Variants in PNPLA4 observed in about 807,000 individuals in gnomAD.
PNPLA4 encodes the protein patatin-like phospholipase domain-containing protein 4.
Under a neutral mutation model 18.3 loss-of-function variants are expected in PNPLA4, and 15 were observed. The observed-to-expected ratio is 0.82, with a 90% CI of 0.55 to 1.26. PNPLA4 has a LOEUF of 1.26. PNPLA4 is among the 50% of genes most tolerant of loss of function. The probability of loss-of-function intolerance (pLI) is 0.00; values close to 1 mark genes in which losing one functional copy is unlikely to be tolerated. For synonymous variants in PNPLA4, 88 were observed against 85.6 expected (o/e 1.03, Z -0.16); for missense variants, 229 against 196.8 (o/e 1.16, Z -0.98).
intron 5 of PNPLA4, among the ~76,000 whole-genome samples, chrX:7,905,429 A>G (rs1295532198): frequency 8.9e-6 from 1 of 112,011 alleles, no homozygotes; most frequent in Non-Finnish European, 1.9e-5. Context: ...TGAAAGGGCC[A>G]GTTTATTCAT....
chrX:7,909,716 G>A (rs1923815538), intron 5 of PNPLA4, among the ~76,000 whole-genome samples: 1 of 110,976 alleles, frequency 9.0e-6, no homozygotes, highest in Admixed American at 9.6e-5. Context: ...ATGAACAAGA[G>A]CTGCTGGAGC....
rs1923442739 is a variant in PNPLA4 at position 7,899,409 on chromosome X, A to G, written c.*1277T>C. On this transcript the variant is annotated 3_prime_UTR_variant, in exon 7 of 7. Transcript: ENST00000381042. Reference sequence around the variant, plus strand: ...TCAGTAAATTGGTACAAGCCCATACACAAGTCCTCAAAGTGATGGACAACT... The same window carrying G: ...TCAGTAAATTGGTACAAGCCCATACGCAAGTCCTCAAAGTGATGGACAACT... 9.0e-6 allele frequency: 1 copy of G among 110,565 alleles called. No homozygotes were observed. The highest frequency in any genetic ancestry group is 3.3e-5 in the African/African-American group (1 of 30,319). 9.1% of individuals were successfully genotyped at this position (110,565 alleles called of 1,213,427 possible). A position where few individuals can be genotyped will look rare whatever the true frequency, so the allele number is the denominator to read the frequency against.
chrX:7,904,731 A>G (rs776263807), intron 5 of PNPLA4, among the ~76,000 whole-genome samples: 1 of 112,532 alleles, frequency 8.9e-6, no homozygotes, highest in South Asian at 3.7e-4. Context: ...GGCTGTTCAC[A>G]ACATATGGCT....
Position 7,921,815 on chromosome X carries a change from A to G in PNPLA4, c.309T>C (p.Ala103=). The G allele has an allele frequency of 8.3e-7, 1 of 1,207,039 alleles. No individual in the cohort carries two copies. The highest frequency in any genetic ancestry group is 1.1e-6 in the Non-Finnish European group (1 of 891,473). ...GCAGTCGGTTCTGGGCCAGCTCGTG[A>G]GCGCTGGGAGGAAGAATCGACTCCA... is the stretch of plus-strand genomic sequence containing the variant. ...SGMESILPPS[A]HELAQNRLHV... The change falls in exon 4 of 7, where the codon GCT becomes GCC. Residue 103 remains alanine (A), a synonymous_variant. Coordinates refer to ENST00000381042, the MANE Select transcript of PNPLA4 (RefSeq NM_004650.3).
intron 5 of PNPLA4, among the ~76,000 whole-genome samples, chrX:7,909,641 T>C (rs757973036): frequency 1.8e-5 from 2 of 111,006 alleles, no homozygotes; most frequent in East Asian, 2.8e-4. Flanking sequence ...CCTCAAATCA[T>C]TTAGGACCTG....
chrX:7,902,670 C>A (rs1374134937), intron 5 of PNPLA4, among the ~76,000 whole-genome samples: 1 of 111,974 alleles, frequency 8.9e-6, no homozygotes, highest in Admixed American at 9.5e-5. Context: ...ACACATTCCT[C>A]AGTAGGCACT....
In PNPLA4 at chrX:7,898,874, G is replaced by C. The variant is rs1183678027; in HGVS notation, c.*1812C>G. The C allele has an allele frequency of 8.9e-6, 1 of 111,888 alleles. No homozygotes were observed. The highest frequency in any genetic ancestry group is 1.9e-5 in the Non-Finnish European group (1 of 53,167). 9.2% of individuals were successfully genotyped at this position (111,888 alleles called of 1,213,427 possible). ...TTATACAATGAGATTTGGTTTTGCA[G>C]CTTAAATTTCTTCAATTTAAGGGTA... is the stretch of plus-strand genomic sequence containing the variant. On this transcript the variant is annotated 3_prime_UTR_variant, in exon 7 of 7. Coordinates refer to ENST00000381042, the MANE Select transcript of PNPLA4 (RefSeq NM_004650.3).
At chrX:7,926,365 CCACA>C (rs1924406729) in intron 1 of PNPLA4, among the ~76,000 whole-genome samples, 1 of 112,305 alleles carries the variant, frequency 8.9e-6, no homozygotes, top group African/African-American at 3.2e-5. Context: ...CAAAAACATT[CCACA>C]TTTATTCGGT....
chrX:7,901,935 G>C (rs957592221), intron 6 of PNPLA4, 54 bp downstream of exon 6: 1 of 1,127,584 alleles, frequency 8.9e-7, no homozygotes, highest in Non-Finnish European at 1.2e-6. Context: ...TGAATTCTGT[G>C]GGAATTTTTA....
At chrX:7,911,257 C>A (rs1160324483) in intron 5 of PNPLA4, among the ~76,000 whole-genome samples, 1 of 111,623 alleles carries the variant, frequency 9.0e-6, no homozygotes, top group Non-Finnish European at 1.9e-5. Context: ...CACATTAAAC[C>A]AAATACTATA....
chrX:7,922,230 C>T, intron 2 of PNPLA4, 132 bp from the exon 3 acceptor site: 1 of 501,899 alleles, frequency 2.0e-6, no homozygotes, highest in Non-Finnish European at 3.5e-6. Context: ...GCAAATTCCC[C>T]ACCTGGCCGG....
At chrX:7,918,806 A>G (rs1320668300) in intron 4 of PNPLA4, among the ~76,000 whole-genome samples, 3 of 111,414 alleles carry the variant, frequency 2.7e-5, no homozygotes, top group Admixed American at 9.5e-5. Context: ...TCATGTCCCT[A>G]CCTGGCAGGG....
intron 2 of PNPLA4, 30 bp downstream of exon 2, chrX:7,925,910 G>A (rs771045161): frequency 5.5e-5 from 65 of 1,171,395 alleles, no homozygotes; most frequent in Non-Finnish European, 7.2e-5. Context: ...TTCTTGATGA[G>A]GAACACAGCC....
At chrX:7,917,591 G>A (rs1384308781) in intron 4 of PNPLA4, among the ~76,000 whole-genome samples, 1 of 111,733 alleles carries the variant, frequency 8.9e-6, no homozygotes, top group African/African-American at 3.3e-5. Context: ...CATGCATAAA[G>A]GGCTTTATCA....
intron 5 of PNPLA4, among the ~76,000 whole-genome samples, chrX:7,907,024 CT>C (rs1169361980): frequency 1.5e-4 from 16 of 107,164 alleles, no homozygotes; most frequent in African/African-American, 5.1e-4. Context: ...CTTTTCTTTT[CT>C]TTTTTTTTTC....
intron 5 of PNPLA4, among the ~76,000 whole-genome samples, chrX:7,903,534 C>T (rs1358902547): frequency 1.8e-5 from 2 of 110,777 alleles, no homozygotes; most frequent in Non-Finnish European, 3.8e-5. Flanking sequence ...CTCCTGACCT[C>T]GTGATCTGCC....
chrX:7,918,993 T>C (rs1924130939), intron 4 of PNPLA4, among the ~76,000 whole-genome samples: 1 of 112,098 alleles, frequency 8.9e-6, no homozygotes, highest in Non-Finnish European at 1.9e-5. Context: ...TTCTGAAAAA[T>C]GTTAAAACAT....
At chrX:7,910,240 G>T (rs1343950009) in intron 5 of PNPLA4, among the ~76,000 whole-genome samples, 1 of 111,406 alleles carries the variant, frequency 9.0e-6, no homozygotes, top group East Asian at 2.8e-4. Flanking sequence ...AGAGAGAAAA[G>T]AAAAAATTCC....
chrX:7,927,360 G>A lies in PNPLA4; in HGVS notation c.-88C>T, dbSNP rs1246425610. On this transcript the variant is annotated 5_prime_UTR_variant, in exon 1 of 7. Transcript: ENST00000381042. ...TGGCGGGGCCGGGCCGTCACTCAAC[G>A]CCATTCCGCCACCAAGGCCGCGCTA... 1.8e-5 allele frequency: 2 copies of A among 113,213 alleles called. No homozygotes were observed. The highest frequency in any genetic ancestry group is 9.2e-5 in the Admixed American group (1 of 10,880). The allele number at this position is 113,213 out of a possible 1,213,427, so 9.3% of individuals were successfully genotyped here. A position where few individuals can be genotyped will look rare whatever the true frequency, so the allele number is the denominator to read the frequency against.
Sources: gnomAD v4.1 joint callset for allele counts (sites outside exome capture counted in the v4.1 genomes callset) on GRCh38, gnomAD v4.1.1 for gene constraint, MANE v1.5 for transcripts, NCBI Gene and HGNC (gene_info 2026-07-23, HGNC 2026-07-21) for gene names.